C2CD5: variants seen among roughly 807,000 people sequenced by gnomAD.
C2CD5 encodes the protein C2 domain-containing protein 5.
In C2CD5, 109 loss-of-function variants were observed where a neutral mutation model predicts 130.3. The ratio of observed to expected loss-of-function variants is 0.84; its 90% CI spans 0.72 to 0.98. The LOEUF is 0.98. Ranked by LOEUF, C2CD5 falls within the 50% of genes least tolerant of loss-of-function variation. The pLI, the probability that C2CD5 is intolerant of heterozygous loss-of-function variation, is 0.00. For synonymous variants in C2CD5, 454 were observed against 429.2 expected (o/e 1.06, Z -0.71); for missense variants, 996 against 1,261.8 (o/e 0.79, Z 3.19).
At chr12:22,465,621 G>C (rs1033727541) in intron 22 of C2CD5, among the ~76,000 whole-genome samples, 17 of 151,652 alleles carry the variant, frequency 1.1e-4, no homozygotes, top group African/African-American at 4.1e-4. Context: ...TCTTCTCCCA[G>C]ACCTCAACCC....
intron 15 of C2CD5, 79 bp from the exon 16 acceptor site, chr12:22,474,970 A>C: frequency 1.1e-6 from 1 of 906,734 alleles, no homozygotes; most frequent in South Asian, 2.7e-5. Flanking sequence ...ATTAGTAGAC[A>C]CCTACCTGTG....
intron 9 of C2CD5, among the ~76,000 whole-genome samples, chr12:22,507,458 A>G (rs1432587213): frequency 1.3e-5 from 2 of 152,258 alleles, no homozygotes; most frequent in African/African-American, 4.8e-5. Context: ...AGGTACATAG[A>G]TAACAGCTAG....
intron 12 of C2CD5, among the ~76,000 whole-genome samples, chr12:22,485,355 A>C (rs1945339952): frequency 6.6e-6 from 1 of 151,984 alleles, no homozygotes; most frequent in Non-Finnish European, 1.5e-5. Flanking sequence ...TAATGGGTAC[A>C]AAAAAATAGA....
chr12:22,530,107 T>TAC lies in C2CD5; in HGVS notation c.178-2216_178-2215insGT, dbSNP rs1212130924. On this transcript the variant is annotated intron_variant, in intron 3 of 26. Coordinates refer to ENST00000446597, the MANE Select transcript of C2CD5 (RefSeq NM_001286176.2). ...ATATATATATATATATATATATATA[T>TAC]ATATACACACACACACACACACACA... 9.3e-3 allele frequency among the ~76,000 whole-genome samples: 1,033 copies of TAC among 111,442 alleles called. 13 individuals are homozygous for TAC. Among genetic ancestry groups the TAC allele is most frequent in the African/African-American group, 0.042 (973 of 23,384 alleles). The allele number at this position is 111,442 out of a possible 152,430, so 73.1% of individuals were successfully genotyped here.
At chr12:22,524,191 T>TTC (rs1462272322) in intron 6 of C2CD5, among the ~76,000 whole-genome samples, 1 of 152,080 alleles carries the variant, frequency 6.6e-6, no homozygotes, top group Admixed American at 6.6e-5. Context: ...AGAATCCAGG[T>TTC]TCCCACTCAG....
At position 22,524,696 on chromosome 12, in the gene C2CD5, T is replaced by C. The variant is rs1489912489; in HGVS notation, c.446-69A>G. On this transcript the variant is annotated intron_variant, in intron 5 of 26. Coordinates refer to ENST00000446597, the MANE Select transcript of C2CD5 (RefSeq NM_001286176.2). ...ACTCAATTTTTAAAAAATGTACATC[T>C]CAATTTTCTGACCTTTAGATACATA... is the stretch of plus-strand genomic sequence containing the variant. The C allele has an allele frequency of 2.5e-6, 3 of 1,183,608 alleles. No individual in the cohort carries two copies. In the African/African-American group the frequency reaches 4.6e-5, roughly 18 times the overall value. 73.3% of individuals were successfully genotyped at this position (1,183,608 alleles called of 1,614,324 possible).
At chr12:22,515,150 G>C in intron 8 of C2CD5, 3 of 984,068 alleles carry the variant, frequency 3.0e-6, no homozygotes, top group African/African-American at 1.7e-5. Flanking sequence ...TGGGTAAGGT[G>C]CTGTGGAGGA....
At chr12:22,454,489 C>T (rs1166787317) in intron 25 of C2CD5, among the ~76,000 whole-genome samples, 2 of 152,030 alleles carry the variant, frequency 1.3e-5, no homozygotes, top group African/African-American at 2.4e-5. Flanking sequence ...ATCAAACTTG[C>T]CTTTTTTTCA....
intron 3 of C2CD5, among the ~76,000 whole-genome samples, chr12:22,530,352 A>T (rs984123357): frequency 6.6e-6 from 1 of 151,272 alleles, no homozygotes; most frequent in Non-Finnish European, 1.5e-5. Context: ...AAACAGGGTT[A>T]AAAAAAGTAC....
rs745691394 is a variant in C2CD5, at chr12:22,518,131, G to A, written c.807C>T (p.Pro269=). 90 of 1,613,564 alleles carry A rather than the reference G, an allele frequency of 5.6e-5. No homozygotes were observed. Among genetic ancestry groups the A allele is most frequent in the Non-Finnish European group, 7.0e-5 (82 of 1,179,688 alleles). The part of the protein sequence containing the change: ...NSPSKEMKEI[P]FNEDPNPNTH... ...TATTGGGATTGGGATCTTCATTGAAGGGAATCCTGCCAGAAGAAGGTGGAG... is the reference window on the plus strand; with the variant it reads ...TATTGGGATTGGGATCTTCATTGAAAGGAATCCTGCCAGAAGAAGGTGGAG... The change falls in exon 8 of 27, where the codon CCC becomes CCT. Residue 269 remains proline, a synonymous_variant. Coordinates refer to ENST00000446597, the MANE Select transcript of C2CD5 (RefSeq NM_001286176.2).
chr12:22,454,296 A>G (rs1204128623), intron 25 of C2CD5, among the ~76,000 whole-genome samples: 2 of 152,176 alleles, frequency 1.3e-5, no homozygotes, highest in African/African-American at 4.8e-5. Context: ...TAATTTGCCC[A>G]TGACTAGCTA....
At chr12:22,478,747 G>A (rs1489124884) in intron 14 of C2CD5, among the ~76,000 whole-genome samples, 2 of 152,102 alleles carry the variant, frequency 1.3e-5, no homozygotes, top group Non-Finnish European at 2.9e-5. Flanking sequence ...TCAGGAGGGT[G>A]AGGCAGGACA....
At chr12:22,478,522 A>G (rs572043541) in intron 14 of C2CD5, 45 bp from the exon 15 acceptor site, 1 of 1,515,846 alleles carries the variant, frequency 6.6e-7, no homozygotes, top group African/African-American at 1.4e-5. Flanking sequence ...ATATCTACAG[A>G]ATAACAGTCC....
chr12:22,455,295 G>A (rs549685911), intron 25 of C2CD5, among the ~76,000 whole-genome samples: 5 of 151,816 alleles, frequency 3.3e-5, no homozygotes, highest in African/African-American at 1.2e-4. Context: ...AGCTACAGAG[G>A]ATTAATTTTA....
chr12:22,520,060 A>G (rs1414214258), intron 7 of C2CD5, among the ~76,000 whole-genome samples: 1 of 152,178 alleles, frequency 6.6e-6, no homozygotes, highest in East Asian at 1.9e-4. Flanking sequence ...ATATTGATAT[A>G]TAAGATTTGA....
Position 22,511,811 on chromosome 12 carries a change from G to A in C2CD5, c.1038+1483C>T, listed in dbSNP as rs191396071. Among the ~76,000 whole-genome samples, 282 of 152,148 alleles carry A rather than the reference G, an allele frequency of 1.9e-3. 2 individuals carry two copies. Among genetic ancestry groups the A allele is most frequent in the Middle Eastern group, 6.8e-3 (2 of 294 alleles). On this transcript the variant is annotated intron_variant, in intron 9 of 26. Transcript: ENST00000446597. ...AAATCTTATTATATCGAATTTCAAGGGAACCCACATTTTTCTGTTGATGTG... is the reference window on the plus strand; with the variant it reads ...AAATCTTATTATATCGAATTTCAAGAGAACCCACATTTTTCTGTTGATGTG...
intron 9 of C2CD5, among the ~76,000 whole-genome samples, chr12:22,509,540 A>G (rs1948952700): frequency 6.6e-6 from 1 of 152,164 alleles, no homozygotes; most frequent in African/African-American, 2.4e-5. Context: ...AAAACACAAA[A>G]TTTAACCTAT....
Position 22,478,419 on chromosome 12 carries a change from C to A in C2CD5, c.1796G>T (p.Gly599Val), listed in dbSNP as rs1163329829. ...ATATGAGCCATCATTAGGAGTCTTCCCAGCAATCTGAATACCACCAGGAGT... is the reference window on the plus strand; with the variant it reads ...ATATGAGCCATCATTAGGAGTCTTCACAGCAATCTGAATACCACCAGGAGT... Reference protein sequence around the residue: ...LPTPGGIQIAGKTPNDGSYEQ... With the variant: ...LPTPGGIQIAVKTPNDGSYEQ... The change falls in exon 15 of 27, where the codon GGG (glycine) becomes GTG (valine). Residue 599 changes from glycine (G) to valine (V), a missense_variant. Gly to Val is a moderately radical substitution (Grantham distance 109). Transcript: ENST00000446597. The A allele has an allele frequency of 1.2e-6, 2 of 1,613,580 alleles. No homozygotes were observed. Among genetic ancestry groups the A allele is most frequent in the Non-Finnish European group, 1.7e-6 (2 of 1,179,628 alleles).
chr12:22,482,146 A>T (rs1197742375), intron 14 of C2CD5, among the ~76,000 whole-genome samples: 1 of 151,794 alleles, frequency 6.6e-6, no homozygotes, highest in East Asian at 1.9e-4. Flanking sequence ...AACTGGGGGG[A>T]TGCTACTAGC....
Sources: gnomAD v4.1 joint callset for allele counts (sites outside exome capture counted in the v4.1 genomes callset) on GRCh38, gnomAD v4.1.1 for gene constraint, MANE v1.5 for transcripts, NCBI Gene and HGNC (gene_info 2026-07-23, HGNC 2026-07-21) for gene names.